Variants in MALRD1 observed in about 807,000 individuals in gnomAD.
MALRD1 encodes the protein MAM and LDL-receptor class A domain-containing protein 1.
In MALRD1, 247 loss-of-function variants were observed where a neutral mutation model predicts 242.1. The observed-to-expected ratio is 1.02, with a 90% CI of 0.92 to 1.13. The LOEUF (loss-of-function observed/expected upper bound fraction) is 1.13, where lower values mean the gene tolerates loss of function less well. Among genes scored for constraint, MALRD1 ranks in the 50% most tolerant of loss-of-function variants. MALRD1 has a pLI of 0.00. For missense variants in MALRD1, 2,989 were observed against 2,533.1 expected (o/e 1.18, Z -3.86); for synonymous variants, 995 against 866.6 (o/e 1.15, Z -2.60).
intron 28 of MALRD1, among the ~76,000 whole-genome samples, chr10:19,436,207 G>C (rs564813428): frequency 6.6e-6 from 1 of 152,140 alleles, no homozygotes; most frequent in East Asian, 1.9e-4. Flanking sequence ...TACTAGAAGC[G>C]ACAACTGAGC....
chr10:19,397,094 TG>T (rs1275921018), intron 28 of MALRD1, among the ~76,000 whole-genome samples: 1 of 152,158 alleles, frequency 6.6e-6, no homozygotes, highest in African/African-American at 2.4e-5. Flanking sequence ...GTCATTTCTT[TG>T]TGGTAAGATC....
intron 38 of MALRD1, among the ~76,000 whole-genome samples, chr10:19,714,354 C>A (rs891527337): frequency 1.3e-5 from 2 of 152,154 alleles, no homozygotes; most frequent in Non-Finnish European, 2.9e-5. Flanking sequence ...CCAAACTCCG[C>A]ATCGTTCAGC....
At chr10:19,376,117 G>A (rs747145861) in intron 26 of MALRD1, among the ~76,000 whole-genome samples, 14 of 152,128 alleles carry the variant, frequency 9.2e-5, no homozygotes, top group East Asian at 1.9e-4. Context: ...GCGAGACTTC[G>A]TCTCAAAAAA....
At chr10:19,324,589 CAG>C (rs1421385893) in intron 22 of MALRD1, among the ~76,000 whole-genome samples, 2 of 123,264 alleles carry the variant, frequency 1.6e-5, no homozygotes, top group East Asian at 4.5e-4. Flanking sequence ...ACACTTCACT[CAG>C]AGATCTTATT....
upstream of MALRD1, among the ~76,000 whole-genome samples, chr10:19,048,574 T>G (rs1443287934): frequency 6.6e-6 from 1 of 152,214 alleles, no homozygotes; most frequent in Admixed American, 6.5e-5. Context: ...ATAGCTTTAT[T>G]GTGGTTGCCT....
intron 18 of MALRD1, among the ~76,000 whole-genome samples, chr10:19,245,061 G>C (rs1838979226): frequency 6.6e-6 from 1 of 152,052 alleles, no homozygotes; most frequent in South Asian, 2.1e-4. Flanking sequence ...AGAATCCAAG[G>C]GATGAAAAGC....
chr10:19,152,346 T>A (rs1833971902), intron 11 of MALRD1, among the ~76,000 whole-genome samples: 5 of 152,220 alleles, frequency 3.3e-5, no homozygotes, highest in Admixed American at 3.3e-4. Flanking sequence ...CATATTAATT[T>A]TAACACAATA....
intron 19 of MALRD1, among the ~76,000 whole-genome samples, chr10:19,271,827 G>A (rs1840261851): frequency 6.6e-6 from 1 of 151,994 alleles, no homozygotes; most frequent in African/African-American, 2.4e-5. Context: ...ACTGTGAGAG[G>A]ATATTTGGTG....
intron 2 of MALRD1, among the ~76,000 whole-genome samples, chr10:19,070,069 A>G (rs1157347417): frequency 6.6e-6 from 1 of 152,114 alleles, no homozygotes; most frequent in Non-Finnish European, 1.5e-5. Context: ...TTCAGCGTGC[A>G]TAATTTCAAT....
At chr10:19,352,536 C>A (rs1267735442) in intron 26 of MALRD1, among the ~76,000 whole-genome samples, 3 of 152,104 alleles carry the variant, frequency 2.0e-5, no homozygotes, top group Non-Finnish European at 4.4e-5. Context: ...TGTTTAGTCA[C>A]CTTCCTCTTA....
At position 19,113,819 on chromosome 10, in the gene MALRD1, A is replaced by ACACACACACACT. The variant is rs1554791220; in HGVS notation, c.695-9662_695-9661insTCACACACACAC. The stretch of plus-strand genomic sequence containing the variant: ...CACACACACACACACACACACACAC[A>ACACACACACACT]CACACACACACAGACACACACACAC... On this transcript the variant is annotated intron_variant, in intron 5 of 39. Transcript: ENST00000454679. Among the ~76,000 whole-genome samples, 14 of 147,106 alleles carry ACACACACACACT rather than the reference A, an allele frequency of 9.5e-5. 1 individual carries two copies. The highest frequency in any genetic ancestry group is 3.5e-4 in the African/African-American group (14 of 40,248).
chr10:19,431,854 G>A (rs774393402), intron 28 of MALRD1, among the ~76,000 whole-genome samples: 1 of 152,104 alleles, frequency 6.6e-6, no homozygotes, highest in Non-Finnish European at 1.5e-5. Flanking sequence ...AATGTGCCAC[G>A]GGACAGATAC....
chr10:19,226,867 A>G (rs1159801573), intron 18 of MALRD1, among the ~76,000 whole-genome samples: 1 of 152,086 alleles, frequency 6.6e-6, no homozygotes, highest in Non-Finnish European at 1.5e-5. Context: ...GTGTTTCTAT[A>G]CACAATCAAC....
At chr10:19,570,810 T>C (rs1836493175) in intron 33 of MALRD1, among the ~76,000 whole-genome samples, 5 of 152,040 alleles carry the variant, frequency 3.3e-5, no homozygotes, top group Admixed American at 3.3e-4. Flanking sequence ...GAAATATGAA[T>C]TATTTTTCTT....
chr10:19,532,940 A>G (rs566088818), intron 32 of MALRD1, among the ~76,000 whole-genome samples: 1 of 152,166 alleles, frequency 6.6e-6, no homozygotes, highest in Non-Finnish European at 1.5e-5. Flanking sequence ...GTAATTTATA[A>G]CCACTGAGCT....
At chr10:19,509,115 A>G (rs1278623961) in intron 31 of MALRD1, among the ~76,000 whole-genome samples, 1 of 152,190 alleles carries the variant, frequency 6.6e-6, no homozygotes, top group African/African-American at 2.4e-5. Flanking sequence ...TTAACAAAGT[A>G]TATCCTAATA....
In MALRD1 at chr10:19,257,774, AAG is replaced by A. The variant is rs747758749; in HGVS notation, c.3079+9_3079+10del. 5 of 1,492,752 alleles carry A rather than the reference AAG, an allele frequency of 3.3e-6. No individual in the cohort carries two copies. Among genetic ancestry groups the A allele is most frequent in the Admixed American group, 2.2e-5 (1 of 46,134 alleles). The allele number at this position is 1,492,752 out of a possible 1,614,324, so 92.5% of individuals were successfully genotyped here. A position where few individuals can be genotyped will look rare whatever the true frequency, so the allele number is the denominator to read the frequency against. On this transcript the variant is annotated splice_donor_5th_base_variant and intron_variant, in intron 19 of 39. Transcript: ENST00000454679. ...TATGGACTGCACCCTCTACCCTGGT[AAG>A]AGAGAACATTTCAATTTGGGGTTAT...
rs2131951000 is a variant in MALRD1 at position 19,734,192 on chromosome 10, CACA to C, written c.6430_6432del (p.Thr2144del). ...ATTCCTTCTCAAACCCATTATATGG[CACA>C]ACATCAGGAAGCCTGGAGACCCTGT... On this transcript the variant is annotated inframe_deletion, in exon 40 of 40. Coordinates refer to ENST00000454679, the MANE Select transcript of MALRD1 (RefSeq NM_001142308.3). 1 of 1,535,860 alleles carries C rather than the reference CACA, an allele frequency of 6.5e-7. No homozygotes were observed. The highest frequency in any genetic ancestry group is 8.7e-7 in the Non-Finnish European group (1 of 1,146,748).
chr10:19,515,475 T>C (rs1342147109), intron 31 of MALRD1, among the ~76,000 whole-genome samples: 1 of 152,178 alleles, frequency 6.6e-6, no homozygotes, highest in Non-Finnish European at 1.5e-5. Context: ...TCTCTGTCCT[T>C]TCAAGGTTTT....
Sources: allele counts gnomAD v4.1 joint callset (sites outside exome capture counted in the v4.1 genomes callset), GRCh38; gene constraint gnomAD v4.1.1; transcripts MANE v1.5; gene names NCBI Gene and HGNC (gene_info 2026-07-23, HGNC 2026-07-21).